Variants in HECTD4 observed in about 807,000 individuals in gnomAD.
HECTD4 encodes probable E3 ubiquitin-protein ligase HECTD4.
Under a neutral mutation model 471.5 loss-of-function variants are expected in HECTD4, and 114 were observed. That is an observed-to-expected ratio of 0.24 (90% confidence interval 0.21 to 0.28). The LOEUF (loss-of-function observed/expected upper bound fraction) is 0.28. Among genes scored for constraint, HECTD4 ranks in the 10% least tolerant of loss-of-function variants. The pLI, the probability that HECTD4 is intolerant of heterozygous loss-of-function variation, is 1.00. For missense variants in HECTD4, 3,866 were observed against 5,651.5 expected (o/e 0.68, Z 10.13); for synonymous variants, 2,012 against 2,256.0 (o/e 0.89, Z 3.07).
chr12:112,303,836 C>A (rs867937029), intron 7 of HECTD4, among the ~76,000 whole-genome samples: 3 of 137,630 alleles, frequency 2.2e-5, no homozygotes, highest in South Asian at 2.3e-4. Context: ...GGTAACAGAG[C>A]AAGACCCTCT....
chr12:112,228,571 T>C lies in HECTD4; in HGVS notation c.6684+76A>G. 1 of 1,291,358 alleles carries C rather than the reference T, an allele frequency of 7.7e-7. No individual in the cohort carries two copies. The highest frequency in any genetic ancestry group is 1.1e-6 in the Non-Finnish European group (1 of 936,472). 80.0% of individuals were successfully genotyped at this position (1,291,358 alleles called of 1,614,324 possible). ...TAATCAAGCATTTGTGCTTCTGCAC[T>C]GAGCATGTGCATAGACTCATTACAG... On this transcript the variant is annotated intron_variant, in intron 42 of 75. Transcript: ENST00000682272. This position sits in a 1 kb window ranked among gnomAD's most constrained non-coding sequence, Gnocchi z 4.9.
At chr12:112,210,398 G>A in intron 49 of HECTD4, 146 bp from the exon 50 acceptor site, 1 of 786,880 alleles carries the variant, frequency 1.3e-6, no homozygotes, top group South Asian at 1.7e-5. Context: ...GGGGCTGGAG[G>A]GACTGAGCAC....
intron 49 of HECTD4, 94 bp downstream of exon 49, chr12:112,212,393 A>G: frequency 1.0e-6 from 1 of 992,466 alleles, no homozygotes; most frequent in South Asian, 1.5e-5. Context: ...ATTATGTACA[A>G]TGAGGGCCCG....
At position 112,235,679 on chromosome 12, in the gene HECTD4, G is replaced by C; in HGVS notation, c.5550C>G (p.Leu1850=). ...RPSPKLVLII[L]QLCRAALPLM... is the part of the protein sequence containing the mutation. ...GGGGCAGCGCCGCCCGGCACAGCTGGAGAATAATAAGGACTAGCTTTGGAG... is the reference window on the plus strand; with the variant it reads ...GGGGCAGCGCCGCCCGGCACAGCTGCAGAATAATAAGGACTAGCTTTGGAG... The change falls in exon 36 of 76, where the codon CTC becomes CTG. Residue 1850 remains leucine, a synonymous_variant. Coordinates refer to ENST00000682272, the MANE Select transcript of HECTD4 (RefSeq NM_001388303.1). The surrounding 1 kb of genome is among the most constrained non-coding windows in gnomAD (Gnocchi z 5.0). 6.2e-7 allele frequency: 1 copy of C among 1,614,014 alleles called. No individual in the cohort carries two copies. The highest frequency in any genetic ancestry group is 8.5e-7 in the Non-Finnish European group (1 of 1,179,894).
chr12:112,215,180 A>G (rs1472894264), intron 48 of HECTD4, among the ~76,000 whole-genome samples: 1 of 152,072 alleles, frequency 6.6e-6, no homozygotes, highest in Non-Finnish European at 1.5e-5. Flanking sequence ...AACAAAAAAC[A>G]CAAAAAAACC....
Position 112,179,209 on chromosome 12 carries a change from G to A in HECTD4, c.11176C>T (p.Pro3726Ser), listed in dbSNP as rs1253666109. The change falls in exon 63 of 76, where the codon CCG (proline) becomes TCG (serine). Residue 3726 changes from proline to serine, a missense_variant. This residue lies in a region of HECTD4 where 715 missense variants were observed against 1,087.6 expected (regional missense o/e 0.66). Coordinates refer to ENST00000682272, the MANE Select transcript of HECTD4 (RefSeq NM_001388303.1). The surrounding 1 kb of genome is among the most constrained non-coding windows in gnomAD (Gnocchi z 4.3). ...TGATCCTCCAGCACCTTTTTTGGCGGCCGGACATTGGTGAAGAAGAGGTGG... is the reference window on the plus strand; with the variant it reads ...TGATCCTCCAGCACCTTTTTTGGCGACCGGACATTGGTGAAGAAGAGGTGG... ...LLHLFFTNVR[P>S]PKKVLEDQLT... The A allele has an allele frequency of 1.2e-6, 2 of 1,613,808 alleles. No individual in the cohort carries two copies. The highest frequency in any genetic ancestry group is 3.3e-5 in the Admixed American group (2 of 59,988).
In HECTD4 at chr12:112,341,245, C is replaced by T. The variant is rs555838671; in HGVS notation, c.178-21503G>A. On this transcript the variant is annotated intron_variant, in intron 1 of 75. Coordinates refer to ENST00000682272, the MANE Select transcript of HECTD4 (RefSeq NM_001388303.1). ...AACATACATGCTCCCCCAAACAAGA[C>T]AAACAAGCTACAGAAGGAGCAACAG... Among the ~76,000 whole-genome samples, 11 of 152,280 alleles carry T rather than the reference C, an allele frequency of 7.2e-5. No homozygotes were observed. The South Asian group carries it at 1.0e-3, about 14-fold the overall frequency.
chr12:112,335,143 TACACACACACAC>T (rs144839031), intron 1 of HECTD4, among the ~76,000 whole-genome samples: 1 of 146,812 alleles, frequency 6.8e-6, no homozygotes, highest in Non-Finnish European at 1.5e-5. Context: ...GAAACTGTGA[TACACACACACAC>T]ACACACACAC....
rs767981814 is a variant in HECTD4, at chr12:112,164,138, C to T, written c.12672G>A (p.Leu4224=). ...CAAGGATGTGCCGGCCCCGGCTGCACAGCTCCACCTCCTCGCCCGTCATGG... is the reference window on the plus strand; with the variant it reads ...CAAGGATGTGCCGGCCCCGGCTGCATAGCTCCACCTCCTCGCCCGTCATGG... ...YLTMTGEEVE[L]CSRGRHILVA... Residue 4224 remains leucine, a synonymous_variant, in exon 73 of 76, where the codon CTG becomes CTA. Coordinates refer to ENST00000682272, the MANE Select transcript of HECTD4 (RefSeq NM_001388303.1). 6 of 1,610,764 alleles carry T rather than the reference C, an allele frequency of 3.7e-6. No homozygotes were observed. Among genetic ancestry groups the T allele is most frequent in the Non-Finnish European group, 5.1e-6 (6 of 1,178,726 alleles).
At chr12:112,281,563 C>A (rs1007875221) in intron 8 of HECTD4, among the ~76,000 whole-genome samples, 11 of 152,180 alleles carry the variant, frequency 7.2e-5, no homozygotes, top group African/African-American at 2.6e-4. Context: ...ACAAAAAAAA[C>A]TGTCCTCTAG....
chr12:112,171,163 T>G lies in HECTD4; in HGVS notation c.11886A>C (p.Thr3962=), dbSNP rs756678013. ...FFLPLVELRQ[T]PMYTHSIAAL... ...CGGCGATGCTGTGGGTATACATGGG[T>G]GTCTGGCGCAGCTCCACCAGGGGCA... The change falls in exon 68 of 76, where the codon ACA becomes ACC. Residue 3962 remains threonine (T), a synonymous_variant. Transcript: ENST00000682272. 1 of 1,613,456 alleles carries G rather than the reference T, an allele frequency of 6.2e-7. No individual in the cohort carries two copies. The highest frequency in any genetic ancestry group is 8.5e-7 in the Non-Finnish European group (1 of 1,179,744).
chr12:112,319,529 C>T lies in HECTD4; in HGVS notation c.391G>A (p.Gly131Ser). The T allele has an allele frequency of 1.4e-6, 2 of 1,456,258 alleles. No individual in the cohort carries two copies. Among genetic ancestry groups the T allele is most frequent in the African/African-American group, 2.8e-5 (2 of 70,466 alleles). The allele number at this position is 1,456,258 out of a possible 1,614,324, so 90.2% of individuals were successfully genotyped here. A position where few individuals can be genotyped will look rare whatever the true frequency, so the allele number is the denominator to read the frequency against. Residue 131 changes from glycine to serine, a missense_variant, in exon 2 of 76, where the codon GGC (glycine) becomes AGC (serine). Transcript: ENST00000682272. The surrounding 1 kb of genome is among the most constrained non-coding windows in gnomAD (Gnocchi z 5.3). ...EETLALLKRQ[G>S]LLQQPEQAPF... ...GCTTGCTCAGGTTGCTGCAACAAGC[C>T]CTGGCGTTTGAGCAGGGCCAAAGTT...
At chr12:112,226,233 TCA>T (rs930313374) in intron 44 of HECTD4, among the ~76,000 whole-genome samples, 4 of 150,922 alleles carry the variant, frequency 2.7e-5, no homozygotes, top group East Asian at 3.9e-4. Context: ...ACACACACAC[TCA>T]CACACACACA....
intron 48 of HECTD4, among the ~76,000 whole-genome samples, chr12:112,215,396 AACC>A (rs2135548594): frequency 6.6e-6 from 1 of 152,296 alleles, no homozygotes; most frequent in South Asian, 2.1e-4. Flanking sequence ...AAAAATAAGT[AACC>A]AACATATTCG....
Position 112,319,674 on chromosome 12 carries a change from C to T in HECTD4, c.246G>A (p.Gln82=). 1 of 1,328,742 alleles carries T rather than the reference C, an allele frequency of 7.5e-7. No individual in the cohort carries two copies. Among genetic ancestry groups the T allele is most frequent in the Non-Finnish European group, 9.6e-7 (1 of 1,043,354 alleles). The allele number at this position is 1,328,742 out of a possible 1,614,324, so 82.3% of individuals were successfully genotyped here. ...AERLRSVCGN[Q]SNAYARLLEY... is the part of the protein sequence containing the mutation. Reference sequence around the variant, plus strand: ...CCAGCAGCCGGGCATAGGCATTGCTCTGATTCCCACAAACAGAGCGCAAAC... The same window carrying T: ...CCAGCAGCCGGGCATAGGCATTGCTTTGATTCCCACAAACAGAGCGCAAAC... The change falls in exon 2 of 76, where the codon CAG becomes CAA. Residue 82 remains glutamine (Q), a synonymous_variant. Transcript: ENST00000682272. This position sits in a 1 kb window ranked among gnomAD's most constrained non-coding sequence, Gnocchi z 5.3.
chr12:112,341,007 C>T (rs993934821), intron 1 of HECTD4, among the ~76,000 whole-genome samples: 2 of 152,296 alleles, frequency 1.3e-5, no homozygotes, highest in East Asian at 1.9e-4. Context: ...CACTCAATAA[C>T]ATTTACTAAT....
chr12:112,233,698 C>G (rs2033437695), intron 37 of HECTD4, among the ~76,000 whole-genome samples: 1 of 152,036 alleles, frequency 6.6e-6, no homozygotes, highest in Admixed American at 6.6e-5. Flanking sequence ...TGACATGAAC[C>G]CAGAACAAAA....
intron 2 of HECTD4, among the ~76,000 whole-genome samples, chr12:112,318,611 T>A (rs1347847253): frequency 6.6e-6 from 1 of 152,176 alleles, no homozygotes; most frequent in Non-Finnish European, 1.5e-5. Context: ...TGACCTCAAG[T>A]GATCTGCCCA....
intron 1 of HECTD4, among the ~76,000 whole-genome samples, chr12:112,374,526 G>A (rs544509215): frequency 2.0e-5 from 3 of 152,270 alleles, no homozygotes; most frequent in Non-Finnish European, 4.4e-5. Context: ...TGGGCCTTTT[G>A]CCCAAGCTCA....
Sources: allele counts gnomAD v4.1 joint callset (sites outside exome capture counted in the v4.1 genomes callset), GRCh38; gene constraint gnomAD v4.1.1; regional missense constraint gnomAD v4.1.1; non-coding constraint Gnocchi (gnomAD v3.1); transcripts MANE v1.5; gene names NCBI Gene and HGNC (gene_info 2026-07-23, HGNC 2026-07-21).